ACSBG1: variants seen among roughly 807,000 people sequenced by gnomAD.
ACSBG1 encodes acyl-CoA synthetase bubblegum family member 1.
In ACSBG1, 39 loss-of-function variants were observed where a neutral mutation model predicts 80.2. That is an observed-to-expected ratio of 0.49 (90% CI 0.38 to 0.64). ACSBG1 has a LOEUF of 0.64. ACSBG1 is among the 30% of genes least tolerant of loss of function. The pLI is 0.00. For missense variants in ACSBG1, 828 were observed against 966.4 expected (o/e 0.86, Z 1.90); for synonymous variants, 392 against 379.5 (o/e 1.03, Z -0.38).
intron 1 of ACSBG1, among the ~76,000 whole-genome samples, chr15:78,211,480 T>C (rs1026370340): frequency 1.3e-5 from 2 of 151,970 alleles, no homozygotes; most frequent in African/African-American, 4.8e-5. Context: ...TTGGCCCTTT[T>C]CACTCGTCTT....
intron 13 of ACSBG1, chr15:78,171,738 C>CCA: frequency 2.0e-6 from 1 of 492,878 alleles, no homozygotes; most frequent in Non-Finnish European, 3.7e-6. Flanking sequence ...CTGGTTGTGG[C>CCA]CAGTGGAGTA....
intron 7 of ACSBG1, 94 bp from the exon 8 acceptor site, chr15:78,182,239 G>A (rs932283685): frequency 2.0e-6 from 3 of 1,482,484 alleles, no homozygotes; most frequent in Admixed American, 2.1e-5. Context: ...CCCCAGTGTG[G>A]TGCCCCCTGT....
rs756150001 is a variant in ACSBG1 at position 78,194,016 on chromosome 15, C to T, written c.458G>A (p.Gly153Asp). 1.4e-5 allele frequency: 22 copies of T among 1,613,854 alleles called. No homozygotes were observed. In the East Asian group the frequency reaches 4.9e-4, roughly 36 times the overall value. The change falls in exon 4 of 14, where the codon GGC (glycine) becomes GAC (aspartate). Residue 153 changes from glycine to aspartate, a missense_variant. Transcript: ENST00000258873. ...GGCCACACTGTGGGCCTGCTTCAGGCCGAGCTCCAGGTCAAAGGCAGACAG... is the reference window on the plus strand; with the variant it reads ...GGCCACACTGTGGGCCTGCTTCAGGTCGAGCTCCAGGTCAAAGGCAGACAG... The part of the protein sequence containing the change: ...RRAAKGFLKL[G>D]LKQAHSVAIL...
intron 1 of ACSBG1, among the ~76,000 whole-genome samples, chr15:78,231,120 ATTT>A (rs961398772): frequency 6.6e-6 from 1 of 151,148 alleles, no homozygotes; most frequent in African/African-American, 2.4e-5. Context: ...CATCTGGCTA[ATTT>A]TTTTTTCTTT....
intron 2 of ACSBG1, among the ~76,000 whole-genome samples, chr15:78,202,399 C>T (rs938678949): frequency 7.2e-5 from 11 of 151,988 alleles, no homozygotes; most frequent in African/African-American, 1.2e-4. Flanking sequence ...TTAGTAGAGA[C>T]GGGGTATCAC....
At chr15:78,217,630 G>A (rs975885752) in intron 1 of ACSBG1, among the ~76,000 whole-genome samples, 24 of 150,814 alleles carry the variant, frequency 1.6e-4, no homozygotes, top group Non-Finnish European at 3.1e-4. Flanking sequence ...GCAGTGGTGC[G>A]ATCTCGGCTC....
At chr15:78,184,393 G>C (rs2074979193) in intron 5 of ACSBG1, among the ~76,000 whole-genome samples, 1 of 151,828 alleles carries the variant, frequency 6.6e-6, no homozygotes, top group African/African-American at 2.4e-5. Context: ...ATGTTGCCCA[G>C]GCTGATCTTG....
intron 12 of ACSBG1, 48 bp from the exon 13 acceptor site, chr15:78,173,887 G>T (rs766243042): frequency 6.3e-7 from 1 of 1,585,784 alleles, no homozygotes; most frequent in African/African-American, 1.3e-5. Flanking sequence ...CCAACAAGAC[G>T]TAAGCCCTGG....
intron 1 of ACSBG1, among the ~76,000 whole-genome samples, chr15:78,216,842 G>C (rs778800865): frequency 1.1e-4 from 17 of 152,178 alleles, no homozygotes; most frequent in Non-Finnish European, 1.9e-4. Context: ...ACAGCCTGCT[G>C]TATACAAATA....
At position 78,203,004 on chromosome 15, in the gene ACSBG1, T is replaced by G. The variant is rs143961950; in HGVS notation, c.232+4998A>C. On this transcript the variant is annotated intron_variant, in intron 2 of 13. Transcript: ENST00000258873. ...TTAAAATAAAGTACAAAAAGAATATTTAATGACATATGGAAATGTTCACAG... is the reference window on the plus strand; with the variant it reads ...TTAAAATAAAGTACAAAAAGAATATGTAATGACATATGGAAATGTTCACAG... 1.5e-4 allele frequency among the ~76,000 whole-genome samples: 23 copies of G among 152,148 alleles called. No homozygotes were observed. The East Asian group carries it at 4.1e-3, about 27-fold the overall frequency.
rs1322471888 is a variant in ACSBG1 at position 78,179,836 on chromosome 15, C to T, written c.1254-56G>A. On this transcript the variant is annotated intron_variant, in intron 9 of 13. Coordinates refer to ENST00000258873, the MANE Select transcript of ACSBG1 (RefSeq NM_015162.5). Reference sequence around the variant, plus strand: ...GAAATCACACACACACACACACACACACACACATACACACATTAAAAGGGT... The same window carrying T: ...GAAATCACACACACACACACACACATACACACATACACACATTAAAAGGGT... 4.7e-6 allele frequency: 6 copies of T among 1,285,238 alleles called. No homozygotes were observed. The African/African-American group carries it at 7.3e-5, about 16-fold the overall frequency. The allele number at this position is 1,285,238 out of a possible 1,614,324, so 79.6% of individuals were successfully genotyped here.
At chr15:78,211,390 A>G (rs888944843) in intron 1 of ACSBG1, among the ~76,000 whole-genome samples, 1 of 152,246 alleles carries the variant, frequency 6.6e-6, no homozygotes, top group Non-Finnish European at 1.5e-5. Flanking sequence ...AATGACAATA[A>G]TGGTGGAAGA....
intron 1 of ACSBG1, chr15:78,226,721 TGTG>T (rs1171177721): frequency 6.7e-6 from 1 of 150,290 alleles, no homozygotes; most frequent in African/African-American, 2.5e-5. Flanking sequence ...CTGACACAAA[TGTG>T]GTAAATTTTT....
chr15:78,218,640 T>A (rs1595902412), intron 1 of ACSBG1, among the ~76,000 whole-genome samples: 1 of 152,282 alleles, frequency 6.6e-6, no homozygotes, highest in African/African-American at 2.4e-5. Flanking sequence ...TCCTATCAAG[T>A]GGGTACTGAA....
intron 5 of ACSBG1, among the ~76,000 whole-genome samples, chr15:78,187,293 A>G (rs972205046): frequency 6.6e-6 from 1 of 152,222 alleles, no homozygotes; most frequent in Admixed American, 6.5e-5. Context: ...CAATCAACAG[A>G]AAAAGAGGGA....
intron 4 of ACSBG1, 106 bp downstream of exon 4, chr15:78,193,826 G>C (rs997633635): frequency 1.4e-6 from 2 of 1,465,538 alleles, no homozygotes; most frequent in African/African-American, 1.4e-5. Context: ...GAGGAGGCAG[G>C]ATGGTGGGGA....
chr15:78,198,373 GT>G (rs928085848), intron 2 of ACSBG1, among the ~76,000 whole-genome samples: 10 of 139,690 alleles, frequency 7.2e-5, no homozygotes, highest in Non-Finnish European at 6.1e-5. Context: ...TTGAGACAAA[GT>G]CTCACTCTGT....
At chr15:78,205,499 A>C (rs897466278) in intron 2 of ACSBG1, among the ~76,000 whole-genome samples, 2 of 152,186 alleles carry the variant, frequency 1.3e-5, no homozygotes, top group Non-Finnish European at 2.9e-5. Flanking sequence ...GCATGATGCT[A>C]TCTAGGTCCC....
chr15:78,214,733 G>A (rs541600890), intron 1 of ACSBG1, among the ~76,000 whole-genome samples: 90 of 152,224 alleles, frequency 5.9e-4, no homozygotes, highest in African/African-American at 1.6e-3. Context: ...GAGTCACTGC[G>A]CCCAGCCTCA....
Sources: gnomAD v4.1 joint callset for allele counts (sites outside exome capture counted in the v4.1 genomes callset) on GRCh38, gnomAD v4.1.1 for gene constraint, MANE v1.5 for transcripts, NCBI Gene and HGNC (gene_info 2026-07-23, HGNC 2026-07-21) for gene names.